ULK2: variants seen among roughly 807,000 people sequenced by gnomAD.
The protein encoded by ULK2 is unc-51 like autophagy activating kinase 2.
Under a neutral mutation model 127.5 loss-of-function variants are expected in ULK2, and 76 were observed. That is an observed-to-expected ratio of 0.60 (90% CI 0.50 to 0.72). The LOEUF (loss-of-function observed/expected upper bound fraction) is 0.72. Ranked by LOEUF, ULK2 falls within the 30% of genes least tolerant of loss-of-function variation. ULK2 has a pLI of 0.00. For missense variants in ULK2, 1,144 were observed against 1,295.9 expected, an observed-to-expected ratio of 0.88 and a Z score of 1.80; for synonymous variants, 452 against 461.9, an observed-to-expected ratio of 0.98 and a Z score of 0.28.
At chr17:19,795,537 T>C (rs1406593134) in intron 20 of ULK2, 85 bp downstream of exon 20, 6 of 1,080,862 alleles carry the variant, frequency 5.6e-6, no homozygotes, top group South Asian at 3.8e-5. Context: ...CCACCAAGCA[T>C]GTGATGATTT....
chr17:19,807,700 T>C (rs2087543017), intron 14 of ULK2, among the ~76,000 whole-genome samples: 1 of 152,154 alleles, frequency 6.6e-6, no homozygotes, highest in East Asian at 1.9e-4. Context: ...AATCTGGCAA[T>C]ATACAATTCC....
chr17:19,867,560 T>G lies in ULK2; in HGVS notation c.-143A>C, dbSNP rs2042382546. 1.8e-5 allele frequency: 7 copies of G among 398,348 alleles called. No homozygotes were observed. Among genetic ancestry groups the G allele is most frequent in the Non-Finnish European group, 2.4e-5 (6 of 247,130 alleles). The allele number at this position is 398,348 out of a possible 1,614,324, so 24.7% of individuals were successfully genotyped here. On this transcript the variant is annotated 5_prime_UTR_variant, in exon 1 of 27. It removes an upstream start codon present in the reference 5' UTR. Coordinates refer to ENST00000395544, the MANE Select transcript of ULK2 (RefSeq NM_014683.4). ...AGCCCCGGGCCCGGGCGGACTCTCA[T>G]GCCGAGAGACCGGAGCGGAAACTGG...
chr17:19,797,380 G>C lies in ULK2; in HGVS notation c.1809+16C>G. On this transcript the variant is annotated intron_variant, in intron 18 of 26. Coordinates refer to ENST00000395544, the MANE Select transcript of ULK2 (RefSeq NM_014683.4). ...TATACCAGTTCCTGACCTACAAAAG[G>C]GTTTAATAAACAAACCTTAGTAGGA... is the stretch of plus-strand genomic sequence containing the variant. 1 of 1,604,654 alleles carries C rather than the reference G, an allele frequency of 6.2e-7. No homozygotes were observed. The highest frequency in any genetic ancestry group is 8.5e-7 in the Non-Finnish European group (1 of 1,175,892).
intron 23 of ULK2, among the ~76,000 whole-genome samples, chr17:19,781,445 A>C (rs1040525429): frequency 6.6e-6 from 1 of 151,868 alleles, no homozygotes; most frequent in African/African-American, 2.4e-5. Context: ...ACAGGGATTC[A>C]TCATATTGCC....
rs756637387 is a variant in ULK2, at chr17:19,783,888, C to T, written c.2269G>A (p.Gly757Arg). 1.3e-4 allele frequency: 199 copies of T among 1,521,482 alleles called. No individual in the cohort carries two copies. The highest frequency in any genetic ancestry group is 2.3e-4 in the Middle Eastern group (1 of 4,416). The allele number at this position is 1,521,482 out of a possible 1,614,324, so 94.2% of individuals were successfully genotyped here. The change falls in exon 22 of 27, where the codon GGG (glycine) becomes AGG (arginine). Residue 757 changes from glycine to arginine, a missense_variant. By Grantham distance (125) the Gly-to-Arg change is moderately radical. Coordinates refer to ENST00000395544, the MANE Select transcript of ULK2 (RefSeq NM_014683.4). ...CCACTCATGGCACAAAGAGAGCCCC[C>T]GGAGTTGCTGGGCCCCACTACAAGG... ...RTTSVGPSNS[G>R]GSLCAMSGRV...
chr17:19,809,402 T>G (rs560054874), intron 14 of ULK2, among the ~76,000 whole-genome samples: 2 of 152,276 alleles, frequency 1.3e-5, no homozygotes, highest in African/African-American at 4.8e-5. Context: ...AACATTAAAA[T>G]GGCTGAAATA....
chr17:19,778,398 T>C (rs972801166), intron 25 of ULK2, among the ~76,000 whole-genome samples: 3 of 152,184 alleles, frequency 2.0e-5, no homozygotes, highest in Non-Finnish European at 4.4e-5. Context: ...AGGTGCTGTT[T>C]GTGCTGAATC....
intron 8 of ULK2, 57 bp downstream of exon 8, chr17:19,843,064 G>A (rs367562996): frequency 7.6e-6 from 10 of 1,313,786 alleles, no homozygotes; most frequent in African/African-American, 1.5e-5. Context: ...CAAATCAAAC[G>A]CAACTATAAA....
At chr17:19,830,618 TA>T (rs3866960) in intron 10 of ULK2, among the ~76,000 whole-genome samples, 7,638 of 138,566 alleles carry the variant, frequency 0.055, 423 homozygotes, top group African/African-American at 0.15. Flanking sequence ...TGAGATTGTT[TA>T]AAAAAAAAAA....
At chr17:19,787,906 G>C (rs1365879143) in intron 20 of ULK2, among the ~76,000 whole-genome samples, 3 of 152,214 alleles carry the variant, frequency 2.0e-5, no homozygotes, top group Non-Finnish European at 2.9e-5. Context: ...TGTGTACTTG[G>C]GGGAGGGAGA....
At chr17:19,822,797 C>T (rs2041188836) in intron 12 of ULK2, among the ~76,000 whole-genome samples, 1 of 152,168 alleles carries the variant, frequency 6.6e-6, no homozygotes, top group South Asian at 2.1e-4. Context: ...AGCGATTCTC[C>T]TGCCTCAGCC....
At chr17:19,793,453 A>G (rs1335065330) in intron 20 of ULK2, among the ~76,000 whole-genome samples, 2 of 152,194 alleles carry the variant, frequency 1.3e-5, no homozygotes, top group African/African-American at 4.8e-5. Flanking sequence ...AGCCCATCCA[A>G]AAGAATAAAG....
intron 18 of ULK2, 145 bp from the exon 19 acceptor site, chr17:19,796,427 A>G: frequency 1.3e-6 from 1 of 746,280 alleles, no homozygotes; most frequent in East Asian, 3.1e-5. Flanking sequence ...AAAGATGCAA[A>G]CCTTCTTGGA....
chr17:19,850,515 T>C (rs1295458509), intron 3 of ULK2, among the ~76,000 whole-genome samples: 2 of 152,158 alleles, frequency 1.3e-5, no homozygotes, highest in East Asian at 3.9e-4. Flanking sequence ...CTTGAGCCAG[T>C]GTGCAAATGT....
chr17:19,823,884 C>T (rs568936215), intron 12 of ULK2, among the ~76,000 whole-genome samples: 30 of 152,166 alleles, frequency 2.0e-4, no homozygotes, highest in Non-Finnish European at 3.7e-4. Flanking sequence ...AGTTTTGAGA[C>T]TTGTCTGTTT....
chr17:19,817,024 T>C (rs1320254737), intron 12 of ULK2, 104 bp from the exon 13 acceptor site: 8 of 996,384 alleles, frequency 8.0e-6, no homozygotes, highest in Non-Finnish European at 1.1e-5. Flanking sequence ...AAAGTGGGCA[T>C]GAAGTCCAAT....
chr17:19,845,720 T>C (rs1157008295), intron 6 of ULK2, among the ~76,000 whole-genome samples: 1 of 152,160 alleles, frequency 6.6e-6, no homozygotes, highest in Non-Finnish European at 1.5e-5. Flanking sequence ...TTTTATTGTT[T>C]CAAATAATTT....
intron 12 of ULK2, among the ~76,000 whole-genome samples, chr17:19,818,982 G>C (rs2041069101): frequency 6.6e-6 from 1 of 151,662 alleles, no homozygotes; most frequent in Non-Finnish European, 1.5e-5. Flanking sequence ...TGTAGTTTTA[G>C]TAGAGACGGG....
chr17:19,828,294 G>A (rs191851120), intron 10 of ULK2, among the ~76,000 whole-genome samples: 221 of 152,262 alleles, frequency 1.5e-3, no homozygotes, highest in Non-Finnish European at 2.5e-3. Flanking sequence ...AAAAGAGCTA[G>A]ACAGTAAAAA....
Sources: gnomAD v4.1 joint callset for allele counts (sites outside exome capture counted in the v4.1 genomes callset) on GRCh38, gnomAD v4.1.1 for gene constraint, MANE v1.5 for transcripts, NCBI Gene and HGNC (gene_info 2026-07-23, HGNC 2026-07-21) for gene names.